AGBL1: variants seen among roughly 807,000 people sequenced by gnomAD.
AGBL1 encodes the protein AGBL carboxypeptidase 1.
Under a neutral mutation model 118.9 loss-of-function variants are expected in AGBL1, and 130 were observed. That is an observed-to-expected ratio of 1.09 (90% CI 0.95 to 1.26). AGBL1 has a LOEUF of 1.26. AGBL1 is among the 50% of genes most tolerant of loss of function. AGBL1 has a pLI of 0.00. For synonymous variants in AGBL1, 555 were observed against 478.9 expected (o/e 1.16, Z -2.08); for missense variants, 1,584 against 1,298.1 (o/e 1.22, Z -3.38).
chr15:86,688,881 A>G (rs1273591073), intron 22 of AGBL1, among the ~76,000 whole-genome samples: 3 of 152,004 alleles, frequency 2.0e-5, no homozygotes, highest in African/African-American at 7.2e-5. Flanking sequence ...CTACTCCAGT[A>G]TCCCCAGACA....
At chr15:86,737,929 A>G (rs1182738939) in intron 22 of AGBL1, among the ~76,000 whole-genome samples, 1 of 152,194 alleles carries the variant, frequency 6.6e-6, no homozygotes, top group African/African-American at 2.4e-5. Flanking sequence ...TAACATATCA[A>G]AAAAGTTAAT....
intron 20 of AGBL1, among the ~76,000 whole-genome samples, chr15:86,550,042 A>G (rs2083643544): frequency 6.6e-6 from 1 of 152,140 alleles, no homozygotes; most frequent in Non-Finnish European, 1.5e-5. Flanking sequence ...TTAACCCCAA[A>G]TTATTCAATT....
intron 18 of AGBL1, among the ~76,000 whole-genome samples, chr15:86,411,488 C>T (rs1461281208): frequency 6.6e-6 from 1 of 152,130 alleles, no homozygotes; most frequent in Non-Finnish European, 1.5e-5. Flanking sequence ...TAATGCAGAT[C>T]CACCTCCCCA....
At chr15:86,278,910 C>T (rs560999754) in intron 15 of AGBL1, among the ~76,000 whole-genome samples, 16 of 152,318 alleles carry the variant, frequency 1.1e-4, no homozygotes, top group Admixed American at 2.6e-4. Flanking sequence ...GGAAAATGTG[C>T]ACTCTCAAGC....
At chr15:86,094,751 G>C (rs1451612121) in intron 1 of AGBL1, among the ~76,000 whole-genome samples, 1 of 152,190 alleles carries the variant, frequency 6.6e-6, no homozygotes, top group Non-Finnish European at 1.5e-5. Flanking sequence ...TGATCTGTTT[G>C]TATCAATATA....
rs147195269 is a variant in AGBL1, at chr15:86,804,776, T to C, written c.3159-102311T>C. 7.3e-3 allele frequency among the ~76,000 whole-genome samples: 1,119 copies of C among 152,274 alleles called. 40 individuals are homozygous for C. Among genetic ancestry groups the C allele is most frequent in the Admixed American group, 0.066 (1,012 of 15,286 alleles). On this transcript the variant is annotated intron_variant, in intron 22 of 22. Coordinates refer to ENST00000614907, the MANE Select transcript of AGBL1 (RefSeq NM_001386094.1). ...GGTGGAGTGTGAGGCCCTGAGTTTT[T>C]ATGTCTGCATAGAAGGAAAGCCACA...
intron 22 of AGBL1, among the ~76,000 whole-genome samples, chr15:86,859,847 C>T (rs2079536552): frequency 6.6e-6 from 1 of 152,130 alleles, no homozygotes; most frequent in Admixed American, 6.5e-5. Context: ...TGCTTGCTTC[C>T]TAATTCCATC....
At chr15:86,208,742 C>T (rs1335036532) in intron 5 of AGBL1, among the ~76,000 whole-genome samples, 1 of 152,042 alleles carries the variant, frequency 6.6e-6, no homozygotes, top group African/African-American at 2.4e-5. Flanking sequence ...AGTAGTCTAT[C>T]AATTATGTTG....
At chr15:86,238,387 G>A (rs1157428963) in intron 6 of AGBL1, among the ~76,000 whole-genome samples, 1 of 152,190 alleles carries the variant, frequency 6.6e-6, no homozygotes, top group Non-Finnish European at 1.5e-5. Context: ...GGTTTTGGGT[G>A]TGTGAACATG....
At chr15:86,381,075 C>T (rs759651708) in intron 17 of AGBL1, among the ~76,000 whole-genome samples, 5 of 152,034 alleles carry the variant, frequency 3.3e-5, no homozygotes, top group Non-Finnish European at 7.4e-5. Context: ...ATTGGAGGGC[C>T]CATCATATAG....
intron 22 of AGBL1, among the ~76,000 whole-genome samples, chr15:86,824,008 G>A (rs1288235652): frequency 6.6e-6 from 1 of 152,068 alleles, no homozygotes; most frequent in African/African-American, 2.4e-5. Context: ...TTCCCCTGAT[G>A]ATTGGGAACA....
intron 3 of AGBL1, among the ~76,000 whole-genome samples, chr15:86,147,669 A>G (rs543371543): frequency 6.6e-6 from 1 of 152,300 alleles, no homozygotes; most frequent in Admixed American, 6.5e-5. Flanking sequence ...CTCCACTTCT[A>G]TCGGCAAGGC....
chr15:86,585,458 A>T (rs1467720596), intron 21 of AGBL1, among the ~76,000 whole-genome samples: 10 of 152,136 alleles, frequency 6.6e-5, no homozygotes, highest in Admixed American at 5.2e-4. Context: ...CAGTGGTGTG[A>T]TAATAGCTTA....
chr15:86,896,953 C>A (rs1055900610), intron 22 of AGBL1, among the ~76,000 whole-genome samples: 1 of 152,188 alleles, frequency 6.6e-6, no homozygotes, highest in African/African-American at 2.4e-5. Flanking sequence ...CCACTACATG[C>A]ACATTCCTAA....
intron 21 of AGBL1, among the ~76,000 whole-genome samples, chr15:86,605,588 G>A (rs866269927): frequency 9.2e-5 from 14 of 152,322 alleles, no homozygotes; most frequent in Middle Eastern, 3.4e-3. Context: ...AATCTCTGAT[G>A]TACCTGGTTC....
chr15:86,104,427 T>G (rs571037273), intron 1 of AGBL1, among the ~76,000 whole-genome samples: 12 of 152,202 alleles, frequency 7.9e-5, no homozygotes, highest in Admixed American at 7.2e-4. Flanking sequence ...TAGGGTAGCC[T>G]GTCCTCAGGT....
intron 22 of AGBL1, among the ~76,000 whole-genome samples, chr15:86,900,861 A>G (rs964694682): frequency 2.0e-5 from 3 of 152,204 alleles, no homozygotes; most frequent in African/African-American, 7.2e-5. Flanking sequence ...TTGCAAAGCT[A>G]TCAGTTTACC....
Position 86,727,394 on chromosome 15 carries a change from T to C in AGBL1, c.3158+52958T>C, listed in dbSNP as rs141585170. Among the ~76,000 whole-genome samples, 69 of 152,268 alleles carry C rather than the reference T, an allele frequency of 4.5e-4. 1 individual carries two copies. The East Asian group carries it at 0.012, about 27-fold the overall frequency. ...CTATTTTGCTCTGAAAAAGGTGCCT[T>C]GGGAAAGAGATATCATTAATTTTTT... On this transcript the variant is annotated intron_variant, in intron 22 of 22. Coordinates refer to ENST00000614907, the MANE Select transcript of AGBL1 (RefSeq NM_001386094.1).
chr15:86,143,884 A>T (rs1483894966), intron 3 of AGBL1, 39 bp downstream of exon 3: 9 of 1,603,164 alleles, frequency 5.6e-6, no homozygotes, highest in Non-Finnish European at 7.7e-6. Flanking sequence ...CTGAAAAGGC[A>T]CTTCTAGGGT....
Sources: gnomAD v4.1 joint callset for allele counts (sites outside exome capture counted in the v4.1 genomes callset) on GRCh38, gnomAD v4.1.1 for gene constraint, MANE v1.5 for transcripts, NCBI Gene and HGNC (gene_info 2026-07-23, HGNC 2026-07-21) for gene names.